The following BUB1B variants were observed in gnomAD, a reference collection of about 807,000 sequenced individuals.
The protein encoded by BUB1B is mitotic checkpoint serine/threonine-protein kinase BUB1 beta.
In BUB1B, 86 loss-of-function variants were observed where a neutral mutation model predicts 137.7. The ratio of observed to expected loss-of-function variants is 0.62; its 90% CI spans 0.52 to 0.75. The LOEUF (loss-of-function observed/expected upper bound fraction) is 0.75, where lower values mean the gene tolerates loss of function less well. BUB1B is among the 30% of genes least tolerant of loss of function. BUB1B has a pLI of 0.00. For missense variants in BUB1B, 1,130 were observed against 1,236.9 expected (o/e 0.91, Z 1.30); for synonymous variants, 420 against 417.9 (o/e 1.00, Z -0.06).
chr15:40,218,687 C>T (rs1244409707), intron 22 of BUB1B, 125 bp downstream of exon 22: 3 of 755,132 alleles, frequency 4.0e-6, no homozygotes, highest in South Asian at 1.5e-5. Flanking sequence ...TAGTTTCAGC[C>T]AGTTTTCATT....
At chr15:40,182,309 T>C (rs545707576) in intron 5 of BUB1B, among the ~76,000 whole-genome samples, 2 of 152,358 alleles carry the variant, frequency 1.3e-5, no homozygotes, top group South Asian at 4.1e-4. Context: ...ATTTTTCTAG[T>C]TCTTTGTGTG....
At chr15:40,162,735 G>A (rs1176126171) in intron 1 of BUB1B, among the ~76,000 whole-genome samples, 1 of 152,166 alleles carries the variant, frequency 6.6e-6, no homozygotes, top group Non-Finnish European at 1.5e-5. Context: ...AGGTCTGGGA[G>A]GAAGTGGGGG....
At position 40,210,230 on chromosome 15, in the gene BUB1B, A is replaced by G; in HGVS notation, c.2385+20A>G. 1 of 1,528,764 alleles carries G rather than the reference A, an allele frequency of 6.5e-7. No individual in the cohort carries two copies. The highest frequency in any genetic ancestry group is 9.1e-7 in the Non-Finnish European group (1 of 1,102,956). The allele number at this position is 1,528,764 out of a possible 1,614,324, so 94.7% of individuals were successfully genotyped here. On this transcript the variant is annotated intron_variant, in intron 18 of 22. Transcript: ENST00000287598. Reference sequence around the variant, plus strand: ...ATAAAGGTGGGACTGATTCTTTATAATTTCAGTTACTTTGTAAATAATACG... The same window carrying G: ...ATAAAGGTGGGACTGATTCTTTATAGTTTCAGTTACTTTGTAAATAATACG...
chr15:40,161,287 G>T (rs774256607), intron 1 of BUB1B, 32 bp downstream of exon 1: 7 of 1,605,792 alleles, frequency 4.4e-6, no homozygotes, highest in Non-Finnish European at 6.0e-6. Flanking sequence ...TGGGGGCTGG[G>T]CCTGAGAGGA....
intron 8 of BUB1B, among the ~76,000 whole-genome samples, chr15:40,188,261 T>C (rs984934287): frequency 5.9e-5 from 9 of 152,190 alleles, no homozygotes; most frequent in African/African-American, 2.2e-4. Flanking sequence ...TTGGTCAGGC[T>C]GGTCTCGAAC....
chr15:40,203,637 CT>C (rs2140902618), intron 14 of BUB1B, among the ~76,000 whole-genome samples: 1 of 152,172 alleles, frequency 6.6e-6, no homozygotes, highest in East Asian at 1.9e-4. Context: ...GACATTTGTT[CT>C]TTTTTATATA....
At chr15:40,190,604 A>T (rs1000501162) in intron 8 of BUB1B, among the ~76,000 whole-genome samples, 2 of 152,182 alleles carry the variant, frequency 1.3e-5, no homozygotes, top group African/African-American at 4.8e-5. Context: ...ACAGATTCAG[A>T]TCCTGTCTCT....
At chr15:40,181,446 A>G (rs767175264) in intron 5 of BUB1B, among the ~76,000 whole-genome samples, 33 of 152,258 alleles carry the variant, frequency 2.2e-4, no homozygotes, top group Middle Eastern at 6.8e-3. Flanking sequence ...TTGAATTTGT[A>G]AATGTATGCC....
At chr15:40,202,380 A>C in intron 12 of BUB1B, 25 bp from the exon 13 acceptor site, 19 of 1,550,070 alleles carry the variant, frequency 1.2e-5, no homozygotes, top group East Asian at 4.5e-5. Flanking sequence ...CTCCTAGAGT[A>C]TGTATCTAGT....
intron 4 of BUB1B, among the ~76,000 whole-genome samples, chr15:40,173,318 G>C (rs949914203): frequency 8.4e-6 from 1 of 119,032 alleles, no homozygotes; most frequent in African/African-American, 3.1e-5. Context: ...AAAAAAAAAA[G>C]ATTGGACTAG....
At chr15:40,215,729 A>G (rs893949425) in intron 20 of BUB1B, among the ~76,000 whole-genome samples, 2 of 152,118 alleles carry the variant, frequency 1.3e-5, no homozygotes, top group African/African-American at 4.8e-5. Context: ...AGATCATGCC[A>G]CTGCACTCCA....
intron 15 of BUB1B, among the ~76,000 whole-genome samples, chr15:40,208,101 C>T (rs888007526): frequency 6.1e-5 from 9 of 146,418 alleles, no homozygotes; most frequent in Admixed American, 2.1e-4. Flanking sequence ...GCCTGGGTGA[C>T]GGAATGAGAT....
intron 1 of BUB1B, among the ~76,000 whole-genome samples, chr15:40,161,714 C>T (rs2037044566): frequency 6.6e-6 from 1 of 152,118 alleles, no homozygotes; most frequent in Non-Finnish European, 1.5e-5. Context: ...GATCTGAAAG[C>T]CTTTAGCCAA....
chr15:40,180,035 T>G (rs920353949), intron 5 of BUB1B, among the ~76,000 whole-genome samples: 12 of 151,046 alleles, frequency 7.9e-5, no homozygotes, highest in Non-Finnish European at 1.3e-4. Context: ...TACCCTTTTT[T>G]TTGTTGTTGT....
Position 40,161,248 on chromosome 15 carries a change from G to T in BUB1B, c.28G>T (p.Ala10Ser), listed in dbSNP as rs1379043354. The T allele has an allele frequency of 6.2e-7, 1 of 1,612,920 alleles. No individual in the cohort carries two copies. The highest frequency in any genetic ancestry group is 8.5e-7 in the Non-Finnish European group (1 of 1,179,430). ...GGCGGCGGTGAAGAAGGAAGGGGGT[G>T]CTCTGAGGTAGGTACGGGAGAAAGC... MAAVKKEGGALSEAMSLEGD... is the reference protein window; with the variant it reads MAAVKKEGGSLSEAMSLEGD... The change falls in exon 1 of 23, where the codon GCT becomes TCT. Residue 10 changes from alanine (A) to serine (S), a missense_variant. By Grantham distance (99) the Ala-to-Ser change is moderately conservative. Transcript: ENST00000287598.
chr15:40,181,938 TCACGCCTGTAATCCCAA>T (rs1487503647), intron 5 of BUB1B, among the ~76,000 whole-genome samples: 1 of 152,242 alleles, frequency 6.6e-6, no homozygotes, highest in Non-Finnish European at 1.5e-5. Flanking sequence ...GCACAGTGGC[TCACGCCTGTAATCCCAA>T]CACGCTGGGA....
chr15:40,213,028 TTGA>T (rs754228185), intron 19 of BUB1B, among the ~76,000 whole-genome samples: 19 of 152,306 alleles, frequency 1.2e-4, no homozygotes, highest in Non-Finnish European at 2.5e-4. Flanking sequence ...GCTATGGATT[TTGA>T]TGATAATATG....
intron 5 of BUB1B, among the ~76,000 whole-genome samples, chr15:40,178,103 C>T (rs189770712): frequency 2.4e-4 from 37 of 151,098 alleles, no homozygotes; most frequent in African/African-American, 9.0e-4. Context: ...TATTTCTTCC[C>T]GCTTGCTTTG....
chr15:40,192,351 G>A (rs75331653), intron 8 of BUB1B, among the ~76,000 whole-genome samples: 9,073 of 152,174 alleles, frequency 0.06, 891 homozygotes, highest in African/African-American at 0.21. Context: ...ATGCATGAGT[G>A]TGGTACATTT....
Sources: gnomAD v4.1 joint callset for allele counts (sites outside exome capture counted in the v4.1 genomes callset) on GRCh38, gnomAD v4.1.1 for gene constraint, MANE v1.5 for transcripts, NCBI Gene and HGNC (gene_info 2026-07-23, HGNC 2026-07-21) for gene names.